The following RBFOX3 variants were observed in gnomAD, a reference collection of about 807,000 sequenced individuals.
RBFOX3 encodes RNA binding protein fox-1 homolog 3.
RBFOX3 carries 17 observed loss-of-function variants against 48.7 expected under a neutral mutation model. The ratio of observed to expected loss-of-function variants is 0.35; its 90% CI spans 0.24 to 0.52. RBFOX3 has a LOEUF of 0.52. Among genes scored for constraint, RBFOX3 ranks in the 20% least tolerant of loss-of-function variants. The pLI is 0.94. For synonymous variants in RBFOX3, 212 were observed against 209.5 expected (o/e 1.01, Z -0.10); for missense variants, 382 against 497.5 (o/e 0.77, Z 2.21).
chr17:79,575,117 GCCCCCCA>G (rs1270039550), intron 1 of RBFOX3, among the ~76,000 whole-genome samples: 3 of 152,196 alleles, frequency 2.0e-5, no homozygotes, highest in Non-Finnish European at 4.4e-5. Context: ...GGGCTGTGAA[GCCCCCCA>G]GGCGATTCCA....
Position 79,106,888 on chromosome 17 carries a change from C to CG in RBFOX3, c.223-101_223-100insC, listed in dbSNP as rs1555689885. 7.7e-4 allele frequency: 1,084 copies of CG among 1,404,740 alleles called. 9 individuals carry two copies. The African/African-American group carries it at 0.015, about 19-fold the overall frequency. The allele number at this position is 1,404,740 out of a possible 1,614,324, so 87.0% of individuals were successfully genotyped here. ...CAGAGTCTAAAGGCCAGATTCTCCC[C>CG]ACCCTTCTGGGCCTCTCCCCCATCC... is the stretch of plus-strand genomic sequence containing the variant. On this transcript the variant is annotated intron_variant, in intron 5 of 14. Coordinates refer to ENST00000693108, the MANE Select transcript of RBFOX3 (RefSeq NM_001350451.2).
intron 4 of RBFOX3, among the ~76,000 whole-genome samples, chr17:79,183,048 G>C (rs113044305): frequency 2.5e-4 from 37 of 148,700 alleles, no homozygotes; most frequent in African/African-American, 8.5e-4. Flanking sequence ...CGGCCCCCCC[G>C]CCTCGCGCCG....
intron 5 of RBFOX3, among the ~76,000 whole-genome samples, chr17:79,113,068 C>T (rs1018835235): frequency 1.3e-5 from 2 of 152,032 alleles, no homozygotes; most frequent in Admixed American, 6.5e-5. Context: ...CTTCCTATCC[C>T]GAAGATCTAG....
chr17:79,095,577 G>A lies in RBFOX3; in HGVS notation c.937-3C>T. On this transcript the variant is annotated splice_region_variant and splice_polypyrimidine_tract_variant and intron_variant, in intron 12 of 14. Coordinates refer to ENST00000693108, the MANE Select transcript of RBFOX3 (RefSeq NM_001350451.2). ...TATCTGTAGGCTGCGTAGCCTCCCT[G>A]CAGGGTAAGTGGGAGGAGAGAGAGC... 1.3e-6 allele frequency: 2 copies of A among 1,550,976 alleles called. No individual in the cohort carries two copies. The highest frequency in any genetic ancestry group is 8.7e-7 in the Non-Finnish European group (1 of 1,146,428).
intron 1 of RBFOX3, among the ~76,000 whole-genome samples, chr17:79,498,393 A>G (rs2149696458): frequency 6.6e-6 from 1 of 151,736 alleles, no homozygotes; most frequent in South Asian, 2.1e-4. Flanking sequence ...ACCCATCTAC[A>G]TACCTACCCA....
intron 1 of RBFOX3, among the ~76,000 whole-genome samples, chr17:79,486,630 A>G (rs1190723575): frequency 2.0e-5 from 3 of 152,136 alleles, no homozygotes; most frequent in African/African-American, 7.2e-5. Flanking sequence ...TGCTTTAATG[A>G]CAGGGCCCCC....
At chr17:79,655,083 A>C in the RBFOX3 span, among the ~76,000 whole-genome samples, 1 of 152,194 alleles carries the variant, frequency 6.6e-6, no homozygotes, top group African/African-American at 2.4e-5. Flanking sequence ...CAAGTAGATG[A>C]ACACACCGGG....
the RBFOX3 span, among the ~76,000 whole-genome samples, chr17:79,616,372 C>T: frequency 6.6e-6 from 1 of 151,962 alleles, no homozygotes; most frequent in African/African-American, 2.4e-5. Flanking sequence ...CCCCTCTCTA[C>T]TAAAAATACA....
chr17:79,171,290 G>A (rs1161212651), intron 4 of RBFOX3, among the ~76,000 whole-genome samples: 1 of 152,226 alleles, frequency 6.6e-6, no homozygotes, highest in South Asian at 2.1e-4. Flanking sequence ...AGATGCGGCT[G>A]TTAGGAAACG....
At chr17:79,412,832 T>A (rs1241441752) in intron 2 of RBFOX3, among the ~76,000 whole-genome samples, 2 of 151,780 alleles carry the variant, frequency 1.3e-5, no homozygotes, top group African/African-American at 4.8e-5. Context: ...TGTATATATG[T>A]GAGGGCATGG....
At chr17:79,346,072 C>T (rs2082877624) in intron 2 of RBFOX3, among the ~76,000 whole-genome samples, 2 of 152,084 alleles carry the variant, frequency 1.3e-5, no homozygotes, top group African/African-American at 4.8e-5. Context: ...AAGCACACAC[C>T]ACCATACCTG....
intron 4 of RBFOX3, among the ~76,000 whole-genome samples, chr17:79,176,615 C>T (rs1333021603): frequency 1.3e-5 from 2 of 152,194 alleles, no homozygotes; most frequent in Non-Finnish European, 2.9e-5. Context: ...ACACACAGCC[C>T]CCGACAAGCC....
intron 1 of RBFOX3, among the ~76,000 whole-genome samples, chr17:79,531,303 C>T (rs921490962): frequency 2.0e-5 from 3 of 152,182 alleles, no homozygotes; most frequent in Admixed American, 6.5e-5. Context: ...CATCTATTGC[C>T]GCCCAGAGGC....
At chr17:79,293,421 TTCC>T (rs2073757323) in intron 3 of RBFOX3, among the ~76,000 whole-genome samples, 1 of 20,678 alleles carries the variant, frequency 4.8e-5, no homozygotes, top group African/African-American at 3.7e-4. Context: ...CCTTCCTTCC[TTCC>T]TTCCTTCCTT....
chr17:79,526,593 T>G (rs1307101819), intron 1 of RBFOX3, among the ~76,000 whole-genome samples: 2 of 151,960 alleles, frequency 1.3e-5, no homozygotes, highest in Non-Finnish European at 2.9e-5. Context: ...CAGAGGACGG[T>G]GGGGTTGGCA....
At chr17:79,187,787 A>G (rs2053703491) in intron 4 of RBFOX3, among the ~76,000 whole-genome samples, 1 of 152,088 alleles carries the variant, frequency 6.6e-6, no homozygotes, top group South Asian at 2.1e-4. Context: ...TCAGGCTTTC[A>G]TGGGATGCCC....
intron 6 of RBFOX3, among the ~76,000 whole-genome samples, chr17:79,104,736 C>T (rs548660684): frequency 3.9e-5 from 6 of 152,228 alleles, no homozygotes; most frequent in South Asian, 4.2e-4. Context: ...CTGAGGCCAC[C>T]GGAGAGCAGG....
intron 4 of RBFOX3, among the ~76,000 whole-genome samples, chr17:79,144,607 G>A (rs892942686): frequency 6.6e-6 from 1 of 152,216 alleles, no homozygotes; most frequent in African/African-American, 2.4e-5. Context: ...CAAGCCCAGG[G>A]TTGAGCCACA....
chr17:79,528,443 T>C (rs1462892968), intron 1 of RBFOX3, among the ~76,000 whole-genome samples: 2 of 151,706 alleles, frequency 1.3e-5, no homozygotes, highest in East Asian at 3.9e-4. Flanking sequence ...AGGATCTTAG[T>C]TGAACCTCTG....
Sources: gnomAD v4.1 joint callset for allele counts (sites outside exome capture counted in the v4.1 genomes callset) on GRCh38, gnomAD v4.1.1 for gene constraint, MANE v1.5 for transcripts, NCBI Gene and HGNC (gene_info 2026-07-23, HGNC 2026-07-21) for gene names.